Variants in TENM4 observed in about 807,000 individuals in gnomAD.
TENM4 encodes the protein teneurin transmembrane protein 4, also known as teneurin-4.
Under a neutral mutation model 243.3 loss-of-function variants are expected in TENM4, and 82 were observed. The observed-to-expected ratio is 0.34, with a 90% CI of 0.28 to 0.40. The LOEUF is 0.40. Among genes scored for constraint, TENM4 ranks in the 10% least tolerant of loss-of-function variants. TENM4 has a pLI of 1.00. For synonymous variants in TENM4, 1,412 were observed against 1,456.3 expected (o/e 0.97, Z 0.69); for missense variants, 3,138 against 3,673.3 (o/e 0.85, Z 3.77).
chr11:79,239,046 C>CAT (rs1565263885), intron 2 of TENM4, among the ~76,000 whole-genome samples: 2 of 130,246 alleles, frequency 1.5e-5, no homozygotes, highest in Admixed American at 7.5e-5. Context: ...CAAACAAACA[C>CAT]GCAAAAAGAA....
At chr11:78,686,188 T>C (rs1858664462) in intron 29 of TENM4, among the ~76,000 whole-genome samples, 1 of 152,186 alleles carries the variant, frequency 6.6e-6, no homozygotes, top group South Asian at 2.1e-4. Flanking sequence ...ATCACATTTC[T>C]ACATGGTTGT....
At chr11:78,921,468 G>T (rs1236891213) in intron 6 of TENM4, among the ~76,000 whole-genome samples, 1 of 152,226 alleles carries the variant, frequency 6.6e-6, no homozygotes, top group Non-Finnish European at 1.5e-5. Context: ...CCTCCATGAA[G>T]ATACAGTCTG....
intron 4 of TENM4, among the ~76,000 whole-genome samples, chr11:79,110,119 C>T (rs983404272): frequency 1.3e-5 from 2 of 152,080 alleles, no homozygotes; most frequent in African/African-American, 4.8e-5. Context: ...GAAACAATAC[C>T]CTCCTCCCTC....
intron 6 of TENM4, among the ~76,000 whole-genome samples, chr11:79,047,771 A>T (rs1859694698): frequency 6.6e-6 from 1 of 152,136 alleles, no homozygotes; most frequent in Admixed American, 6.5e-5. Flanking sequence ...CTGGCACTTA[A>T]TTTGTTTGAG....
chr11:79,377,772 A>C (rs375907130), intron 1 of TENM4, among the ~76,000 whole-genome samples: 90 of 152,358 alleles, frequency 5.9e-4, no homozygotes, highest in East Asian at 5.4e-3. Context: ...TGGCCCTAAA[A>C]GAAAAGTGTT....
At position 78,670,055 on chromosome 11, in the gene TENM4, A is replaced by C; in HGVS notation, c.6290T>G (p.Val2097Gly). 1 of 1,613,998 alleles carries C rather than the reference A, an allele frequency of 6.2e-7. No individual in the cohort carries two copies. Among genetic ancestry groups the C allele is most frequent in the African/African-American group, 1.3e-5 (1 of 75,040 alleles). Reference sequence around the variant, plus strand: ...AATGGGCAGTGGGGTCTCGTTGATCACAGCCTGCATGCTGGTCACCCGGAA... The same window carrying C: ...AATGGGCAGTGGGGTCTCGTTGATCCCAGCCTGCATGCTGGTCACCCGGAA... ...NSFRVTSMQA[V>G]INETPLPIDL... Residue 2097 changes from valine (V) to glycine (G), a missense_variant, in exon 32 of 34, where the codon GTG becomes GGG. Transcript: ENST00000278550.
intron 1 of TENM4, among the ~76,000 whole-genome samples, chr11:79,416,788 G>A (rs777185163): frequency 5.3e-5 from 8 of 151,924 alleles, no homozygotes; most frequent in Non-Finnish European, 1.0e-4. Context: ...ATCCTGTAGG[G>A]TATGCCTGCT....
At chr11:79,018,935 T>C (rs684380) in intron 6 of TENM4, among the ~76,000 whole-genome samples, 95,492 of 152,144 alleles carry the variant, frequency 0.63, 30,283 homozygotes, top group African/African-American at 0.71. Context: ...GGAGGCTTGC[T>C]CCACAGTCTT....
At position 79,112,078 on chromosome 11, in the gene TENM4, T is replaced by C. The variant is rs1861520490; in HGVS notation, c.-66+36632A>G. 5.3e-5 allele frequency among the ~76,000 whole-genome samples: 8 copies of C among 152,220 alleles called. No homozygotes were observed. In the South Asian group the frequency reaches 1.0e-3, roughly 20 times the overall value. ...CAGCTGGAAGCTGCCTCATTGGTCGTGTAGGGTGCAGAGGAAGTGGTCTTC... is the reference window on the plus strand; with the variant it reads ...CAGCTGGAAGCTGCCTCATTGGTCGCGTAGGGTGCAGAGGAAGTGGTCTTC... On this transcript the variant is annotated intron_variant, in intron 4 of 33. Coordinates refer to ENST00000278550, the MANE Select transcript of TENM4 (RefSeq NM_001098816.3).
chr11:78,695,676 C>CTT (rs60299781), intron 28 of TENM4, among the ~76,000 whole-genome samples: 2 of 146,726 alleles, frequency 1.4e-5, no homozygotes, highest in African/African-American at 4.9e-5. Context: ...GACAGTTTTT[C>CTT]TTTTTTTTTT....
intron 4 of TENM4, among the ~76,000 whole-genome samples, chr11:79,075,873 T>G (rs1860525148): frequency 6.6e-6 from 1 of 152,184 alleles, no homozygotes; most frequent in South Asian, 2.1e-4. Context: ...TTTCACAAAC[T>G]GTTGCAGACC....
At chr11:79,099,671 C>A (rs1193841539) in intron 4 of TENM4, among the ~76,000 whole-genome samples, 4 of 152,184 alleles carry the variant, frequency 2.6e-5, no homozygotes, top group Non-Finnish European at 5.9e-5. Flanking sequence ...AATGCTGACA[C>A]CCTATACATC....
At chr11:79,149,751 C>A (rs548057825) in intron 3 of TENM4, among the ~76,000 whole-genome samples, 7 of 151,564 alleles carry the variant, frequency 4.6e-5, no homozygotes, top group African/African-American at 1.7e-4. Context: ...CTTGGGCTGG[C>A]TTTCTTTAAA....
intron 15 of TENM4, among the ~76,000 whole-genome samples, chr11:78,799,868 C>T (rs1376174381): frequency 1.3e-5 from 2 of 152,164 alleles, no homozygotes; most frequent in Non-Finnish European, 2.9e-5. Flanking sequence ...GGAGAGGGCC[C>T]TCTCAAATAA....
intron 1 of TENM4, among the ~76,000 whole-genome samples, chr11:79,361,786 CTA>C (rs1857594434): frequency 6.6e-6 from 1 of 151,982 alleles, no homozygotes; most frequent in African/African-American, 2.4e-5. Context: ...AATACAGAGA[CTA>C]TGTATCTGTG....
chr11:79,319,415 G>A (rs187864970), intron 1 of TENM4, among the ~76,000 whole-genome samples: 2 of 152,198 alleles, frequency 1.3e-5, no homozygotes, highest in East Asian at 1.9e-4. Context: ...GAGCACATAA[G>A]GGAAGTGTTT....
rs180739037 is a variant in TENM4 at position 79,318,134 on chromosome 11, T to C, written c.-320-20591A>G. Among the ~76,000 whole-genome samples, 399 of 152,294 alleles carry C rather than the reference T, an allele frequency of 2.6e-3. 1 individual carries two copies. Among genetic ancestry groups the C allele is most frequent in the Middle Eastern group, 0.01 (3 of 294 alleles). ...GAGGGAAATAGTGCGCTCTGAGAAA[T>C]GATGATTTAAAAATCTTGATCTGAA... On this transcript the variant is annotated intron_variant, in intron 1 of 33. Coordinates refer to ENST00000278550, the MANE Select transcript of TENM4 (RefSeq NM_001098816.3).
At chr11:79,341,989 G>T (rs1857249637) in intron 1 of TENM4, among the ~76,000 whole-genome samples, 1 of 152,198 alleles carries the variant, frequency 6.6e-6, no homozygotes, top group South Asian at 2.1e-4. Context: ...GGACAAAGGA[G>T]AATGTGCACA....
chr11:78,880,410 G>A (rs1859400444), intron 9 of TENM4, among the ~76,000 whole-genome samples: 1 of 137,124 alleles, frequency 7.3e-6, no homozygotes, highest in Non-Finnish European at 1.5e-5. Flanking sequence ...CTATGACCCT[G>A]CCACATCCCC....
Sources: gnomAD v4.1 joint callset for allele counts (sites outside exome capture counted in the v4.1 genomes callset) on GRCh38, gnomAD v4.1.1 for gene constraint, MANE v1.5 for transcripts, NCBI Gene and HGNC (gene_info 2026-07-23, HGNC 2026-07-21) for gene names.